Variants in TMEM91 observed in about 807,000 individuals in gnomAD.
The protein encoded by TMEM91 is transmembrane protein 91, also known as dispanin subfamily C member 3.
A neutral mutation model predicts 13.3 loss-of-function variants in TMEM91; 6 were observed. That is an observed-to-expected ratio of 0.45 (90% CI 0.25 to 0.89). TMEM91 has a LOEUF of 0.89. TMEM91 is among the 40% of genes least tolerant of loss of function. The pLI is 0.19. For synonymous variants in TMEM91, 87 were observed against 101.7 expected (o/e 0.86, Z 0.87); for missense variants, 193 against 228.7 (o/e 0.84, Z 1.01).
intron 2 of TMEM91, among the ~76,000 whole-genome samples, chr19:41,380,864 A>G (rs2123200395): frequency 6.8e-6 from 1 of 148,064 alleles, no homozygotes; most frequent in Non-Finnish European, 1.5e-5. Flanking sequence ...CAGTGAGCCG[A>G]GATCACGCCA....
chr19:41,364,648 G>T (rs1202652948), intron 1 of TMEM91, among the ~76,000 whole-genome samples: 2 of 152,090 alleles, frequency 1.3e-5, no homozygotes, highest in Non-Finnish European at 2.9e-5. Flanking sequence ...AGGAAGGAAG[G>T]AAGTTGGATA....
intron 1 of TMEM91, among the ~76,000 whole-genome samples, chr19:41,366,301 G>A (rs1020648347): frequency 6.6e-6 from 1 of 151,858 alleles, no homozygotes; most frequent in Non-Finnish European, 1.5e-5. Context: ...CTTTTCTCAA[G>A]CCCCCATTTT....
At chr19:41,371,000 G>T (rs929736745) in intron 1 of TMEM91, among the ~76,000 whole-genome samples, 5 of 151,424 alleles carry the variant, frequency 3.3e-5, no homozygotes, top group Admixed American at 3.3e-4. Flanking sequence ...ACCGTGTCTG[G>T]CCTGTTTTTT....
In TMEM91 at chr19:41,378,458, T is replaced by G. The variant is rs1178394008; in HGVS notation, c.149T>G (p.Leu50Arg). ...FAESLRGLQF[L>R]SPPLPSVSAG... is the part of the protein sequence containing the mutation. ...GAGTCCCTGAGGGGTTTGCAGTTCCTGTCACCGCCTCTTCCCTCCGTGAGC... is the reference window on the plus strand; with the variant it reads ...GAGTCCCTGAGGGGTTTGCAGTTCCGGTCACCGCCTCTTCCCTCCGTGAGC... The change falls in exon 2 of 4, where the codon CTG (leucine) becomes CGG (arginine). Residue 50 changes from leucine (L) to arginine (R), a missense_variant. Transcript: ENST00000392002. 6.2e-7 allele frequency: 1 copy of G among 1,614,136 alleles called. No homozygotes were observed. Among genetic ancestry groups the G allele is most frequent in the African/African-American group, 1.3e-5 (1 of 75,038 alleles).
At chr19:41,371,357 C>T (rs916169357) in intron 1 of TMEM91, among the ~76,000 whole-genome samples, 2 of 148,912 alleles carry the variant, frequency 1.3e-5, no homozygotes, top group Admixed American at 6.7e-5. Context: ...TTCCTTCCTT[C>T]CTTCCTTCCT....
At chr19:41,373,284 G>A (rs2038653321), upstream of TMEM91, among the ~76,000 whole-genome samples, 2 of 152,040 alleles carry the variant, frequency 1.3e-5, no homozygotes, top group East Asian at 1.9e-4. Flanking sequence ...AACACTAAGA[G>A]GTGTAGCCTC....
intron 2 of TMEM91, among the ~76,000 whole-genome samples, chr19:41,381,954 A>T (rs1020207530): frequency 2.0e-5 from 3 of 151,848 alleles, no homozygotes; most frequent in African/African-American, 7.3e-5. Flanking sequence ...CAACCTCCAC[A>T]TCCTGGGTTC....
chr19:41,371,406 C>T (rs1568489554), intron 1 of TMEM91, among the ~76,000 whole-genome samples: 5 of 134,626 alleles, frequency 3.7e-5, no homozygotes, highest in South Asian at 2.4e-4. Flanking sequence ...CCCTCCCTCC[C>T]TCCTTTCTCT....
chr19:41,376,466 A>C (rs535885871), upstream of TMEM91: 2 of 152,364 alleles, frequency 1.3e-5, no homozygotes, highest in East Asian at 3.9e-4. Flanking sequence ...ATTATTGCGC[A>C]AAGGGGAAGG....
intron 1 of TMEM91, chr19:41,364,185 C>T (rs1321180543): frequency 6.4e-6 from 1 of 157,332 alleles, no homozygotes; most frequent in East Asian, 1.9e-4. Flanking sequence ...GCTTTGTACT[C>T]GCTCTGCGCG....
chr19:41,381,076 C>CAAAA (rs1166323642), intron 2 of TMEM91, among the ~76,000 whole-genome samples: 63 of 52,788 alleles, frequency 1.2e-3, no homozygotes, highest in African/African-American at 3.8e-3. Context: ...GACTCTGTCT[C>CAAAA]AAAAAAAAAA....
upstream of TMEM91, among the ~76,000 whole-genome samples, chr19:41,372,956 TGAGACTGG>T (rs2038647925): frequency 6.6e-6 from 1 of 151,968 alleles, no homozygotes. Flanking sequence ...TTTTTGTTTT[TGAGACTGG>T]GTTTCACTTT....
At chr19:41,364,256 C>A in intron 1 of TMEM91, 1 of 153,024 alleles carries the variant, frequency 6.5e-6, no homozygotes. Context: ...ACATTTTCCT[C>A]CTCCGCTCCA....
intron 1 of TMEM91, among the ~76,000 whole-genome samples, chr19:41,364,818 ATGT>A (rs1039565745): frequency 3.9e-5 from 6 of 151,902 alleles, no homozygotes; most frequent in Non-Finnish European, 8.8e-5. Context: ...AGAAATGGAG[ATGT>A]TGTCCCTGGA....
At chr19:41,367,296 C>G (rs998251258) in intron 1 of TMEM91, among the ~76,000 whole-genome samples, 1 of 152,026 alleles carries the variant, frequency 6.6e-6, no homozygotes, top group African/African-American at 2.4e-5. Context: ...AGGAGGAGTA[C>G]TCTTTCTTTC....
At chr19:41,375,897 A>C (rs1337093926), upstream of TMEM91, among the ~76,000 whole-genome samples, 1 of 152,006 alleles carries the variant, frequency 6.6e-6, no homozygotes, top group Admixed American at 6.6e-5. Context: ...TGAGGCGGGC[A>C]GATCACCTGA....
chr19:41,383,717 C>G lies in TMEM91; in HGVS notation c.363C>G (p.Thr121=). The part of the protein sequence containing the change: ...GIAAFCLAQK[T]NKAWAKGDIQ... Reference sequence around the variant, plus strand: ...ACTGCTGCCCACTGCCTCTACAGACCAACAAGGCTTGGGCCAAGGGGGACA... The same window carrying G: ...ACTGCTGCCCACTGCCTCTACAGACGAACAAGGCTTGGGCCAAGGGGGACA... Residue 121 remains threonine, a splice_region_variant and synonymous_variant, in exon 4 of 4, where the codon ACC becomes ACG. Transcript: ENST00000392002. The G allele has an allele frequency of 1.2e-6, 2 of 1,611,586 alleles. No homozygotes were observed. Among genetic ancestry groups the G allele is most frequent in the Non-Finnish European group, 1.7e-6 (2 of 1,178,464 alleles).
intron 1 of TMEM91, among the ~76,000 whole-genome samples, chr19:41,369,794 C>T (rs974969422): frequency 4.6e-5 from 7 of 151,908 alleles, no homozygotes; most frequent in Admixed American, 3.3e-4. Flanking sequence ...GGTGACAGAG[C>T]GAGACTCTGT....
chr19:41,375,993 C>T (rs1033153033), upstream of TMEM91, among the ~76,000 whole-genome samples: 2 of 151,694 alleles, frequency 1.3e-5, no homozygotes, highest in African/African-American at 4.8e-5. Flanking sequence ...GGTGGCTTGC[C>T]CCTGTAATCC....
Sources: allele counts gnomAD v4.1 joint callset (sites outside exome capture counted in the v4.1 genomes callset), GRCh38; gene constraint gnomAD v4.1.1; transcripts MANE v1.5; gene names NCBI Gene and HGNC (gene_info 2026-07-23, HGNC 2026-07-21).